URB1: variants seen among roughly 807,000 people sequenced by gnomAD.
URB1 encodes URB1 ribosome biogenesis factor.
URB1 carries 197 observed loss-of-function variants against 242.3 expected under a neutral mutation model. The observed-to-expected ratio is 0.81, with a 90% confidence interval of 0.72 to 0.91. The LOEUF (loss-of-function observed/expected upper bound fraction) is 0.91, where lower values mean the gene tolerates loss of function less well. Among genes scored for constraint, URB1 ranks in the 40% least tolerant of loss-of-function variants. The pLI is 0.00. For missense variants in URB1, 2,721 were observed against 2,860.5 expected, an observed-to-expected ratio of 0.95 and a Z score of 1.11; for synonymous variants, 1,153 against 1,201.8, an observed-to-expected ratio of 0.96 and a Z score of 0.84.
At chr21:32,381,675 A>C (rs918942818) in intron 4 of URB1, among the ~76,000 whole-genome samples, 2 of 152,228 alleles carry the variant, frequency 1.3e-5, no homozygotes, top group African/African-American at 4.8e-5. Context: ...AGAAATTATT[A>C]ATGTGTTAGG....
chr21:32,378,091 C>A (rs900058079), intron 5 of URB1, among the ~76,000 whole-genome samples: 4 of 152,176 alleles, frequency 2.6e-5, no homozygotes, highest in African/African-American at 9.7e-5. Flanking sequence ...CGACATCTCC[C>A]AAGGAAATCC....
chr21:32,365,527 A>C (rs1343329859), intron 10 of URB1, among the ~76,000 whole-genome samples: 1 of 152,170 alleles, frequency 6.6e-6, no homozygotes, highest in Non-Finnish European at 1.5e-5. Flanking sequence ...AATCCTTTCA[A>C]TCTGGTTTTC....
intron 1 of URB1, among the ~76,000 whole-genome samples, chr21:32,389,378 G>A (rs908079981): frequency 6.6e-6 from 1 of 152,150 alleles, no homozygotes; most frequent in Non-Finnish European, 1.5e-5. Flanking sequence ...ACCACTGAAG[G>A]GTGTCATGAG....
chr21:32,368,007 T>C (rs577564443), intron 9 of URB1, among the ~76,000 whole-genome samples: 1 of 152,304 alleles, frequency 6.6e-6, no homozygotes, highest in East Asian at 1.9e-4. Flanking sequence ...CTTCATATTG[T>C]ATAGTTTACC....
At chr21:32,322,337 G>T in intron 33 of URB1, 141 bp downstream of exon 33, 1 of 744,940 alleles carries the variant, frequency 1.3e-6, no homozygotes, top group Non-Finnish European at 2.3e-6. Context: ...ATTCCGAAGT[G>T]CAGGCCTGCG....
intron 2 of URB1, among the ~76,000 whole-genome samples, chr21:32,385,011 G>GA (rs138920896): frequency 0.033 from 3,283 of 100,606 alleles, 51 homozygotes; most frequent in Middle Eastern, 0.087. Context: ...GAAAAGAAAA[G>GA]AAAGAAAGAA....
intron 28 of URB1, among the ~76,000 whole-genome samples, chr21:32,335,845 G>A (rs372916279): frequency 1.3e-5 from 2 of 152,218 alleles, no homozygotes; most frequent in African/African-American, 4.8e-5. Context: ...GTGCCCCTTA[G>A]AGCCACAGTG....
rs141965695 is a variant in URB1, at chr21:32,321,769, C to T, written c.5484+32G>A. On this transcript the variant is annotated intron_variant, in intron 34 of 38. Coordinates refer to ENST00000382751, the MANE Select transcript of URB1 (RefSeq NM_014825.3). ...ATCTTAAGAAGGGGCACAGACCTCT[C>T]GCTCTCAAATAAGCTTGCGGAACCC... The T allele has an allele frequency of 7.6e-5, 117 of 1,548,766 alleles. No individual in the cohort carries two copies. In the African/African-American group the frequency reaches 1.3e-3, roughly 18 times the overall value.
At position 32,355,494 on chromosome 21, in the gene URB1, G is replaced by C. The variant is rs1407087759; in HGVS notation, c.2061C>G (p.Asn687Lys). The C allele has an allele frequency of 3.9e-6, 6 of 1,551,734 alleles. No individual in the cohort carries two copies. The highest frequency in any genetic ancestry group is 5.2e-6 in the Non-Finnish European group (6 of 1,147,042). ...CAGTCTCTTTGTCCTCTTCCATGGT[G>C]TTCTCTAAATGCTCCAGCCAGAGCT... is the stretch of plus-strand genomic sequence containing the variant. Reference protein sequence around the residue: ...ELELWLEHLENTMEEDKETVI... With the variant: ...ELELWLEHLEKTMEEDKETVI... The change falls in exon 16 of 39, where the codon AAC becomes AAG. Residue 687 changes from asparagine (N) to lysine (K), a missense_variant. Transcript: ENST00000382751.
At chr21:32,347,835 G>T in intron 21 of URB1, 24 bp from the exon 22 acceptor site, 1 of 1,526,626 alleles carries the variant, frequency 6.6e-7, no homozygotes, top group Non-Finnish European at 8.8e-7. Flanking sequence ...ACGAGGCACA[G>T]ACGTCACATA....
At chr21:32,354,495 A>G (rs2033196286) in intron 17 of URB1, among the ~76,000 whole-genome samples, 1 of 152,202 alleles carries the variant, frequency 6.6e-6, no homozygotes, top group Admixed American at 6.5e-5. Context: ...TAGCTGTATG[A>G]GCTTGAGCAA....
At position 32,355,539 on chromosome 21, in the gene URB1, C is replaced by G; in HGVS notation, c.2016G>C (p.Glu672Asp). 1 of 1,551,744 alleles carries G rather than the reference C, an allele frequency of 6.4e-7. No homozygotes were observed. Among genetic ancestry groups the G allele is most frequent in the African/African-American group, 1.4e-5 (1 of 73,170 alleles). The change falls in exon 16 of 39, where the codon GAG becomes GAC. Residue 672 changes from glutamate (E) to aspartate (D), a missense_variant. Transcript: ENST00000382751. The stretch of plus-strand genomic sequence containing the variant: ...AGAGCTCCAGCTCCTTCCAGGTGTG[C>G]TCAAACACCCCCGTGTCCCGCAGAA... Reference protein sequence around the residue: ...MKILRDTGVFEHTWKELELWL... With the variant: ...MKILRDTGVFDHTWKELELWL...
At chr21:32,349,737 A>C (rs1275049336) in intron 20 of URB1, among the ~76,000 whole-genome samples, 1 of 152,234 alleles carries the variant, frequency 6.6e-6, no homozygotes, top group African/African-American at 2.4e-5. Context: ...TCAAAACTTA[A>C]AAATCCCTTG....
chr21:32,322,642 T>G (rs774794572), intron 32 of URB1, 58 bp from the exon 33 acceptor site: 21 of 1,296,002 alleles, frequency 1.6e-5, no homozygotes, highest in Non-Finnish European at 2.3e-5. Context: ...CCCCCTGGTC[T>G]GGCAGCACTA....
chr21:32,337,127 T>A lies in URB1; in HGVS notation c.4652A>T (p.Tyr1551Phe). ...DQKILLLLRAYEQNKLSLINF... is the reference protein window; with the variant it reads ...DQKILLLLRAFEQNKLSLINF... ...GATGAGGCTGAGCTTGTTCTGCTCATACGCTCGAAGCAGAAGTAAAATCTT... is the reference window on the plus strand; with the variant it reads ...GATGAGGCTGAGCTTGTTCTGCTCAAACGCTCGAAGCAGAAGTAAAATCTT... The change falls in exon 28 of 39, where the codon TAT becomes TTT. Residue 1551 changes from tyrosine to phenylalanine, a missense_variant. Transcript: ENST00000382751. The A allele has an allele frequency of 6.4e-7, 1 of 1,551,854 alleles. No individual in the cohort carries two copies. The highest frequency in any genetic ancestry group is 1.4e-5 in the African/African-American group (1 of 73,170).
In URB1 at chr21:32,324,616, C is replaced by G. The variant is rs749911188; in HGVS notation, c.5122-14G>C. 25 of 1,538,164 alleles carry G rather than the reference C, an allele frequency of 1.6e-5. No homozygotes were observed. The highest frequency in any genetic ancestry group is 1.7e-5 in the Non-Finnish European group (19 of 1,134,860). On this transcript the variant is annotated splice_polypyrimidine_tract_variant and intron_variant, in intron 31 of 38. Coordinates refer to ENST00000382751, the MANE Select transcript of URB1 (RefSeq NM_014825.3). ...CAGGTAAAGTAGCTTGAAAACAGAA[C>G]AGAAAAGGAAAATGTAAGATGAGCG...
intron 34 of URB1, 77 bp downstream of exon 34, chr21:32,321,724 G>A (rs2123545117): frequency 7.9e-6 from 12 of 1,528,646 alleles, no homozygotes; most frequent in Admixed American, 2.0e-5. Context: ...GAATTCATAC[G>A]GACTTGACTT....
At chr21:32,358,980 CT>C (rs1175387703) in intron 14 of URB1, among the ~76,000 whole-genome samples, 1 of 152,166 alleles carries the variant, frequency 6.6e-6, no homozygotes, top group Non-Finnish European at 1.5e-5. Flanking sequence ...CGAGTAAGTT[CT>C]CAGTAAGAAT....
At chr21:32,364,561 AG>A (rs1289403693) in intron 10 of URB1, among the ~76,000 whole-genome samples, 2 of 152,196 alleles carry the variant, frequency 1.3e-5, no homozygotes, top group African/African-American at 2.4e-5. Flanking sequence ...TCAGGACTAC[AG>A]GAACTATCCT....
Sources: allele counts gnomAD v4.1 joint callset (sites outside exome capture counted in the v4.1 genomes callset), GRCh38; gene constraint gnomAD v4.1.1; transcripts MANE v1.5; gene names NCBI Gene and HGNC (gene_info 2026-07-23, HGNC 2026-07-21).